Variants in UBR4 observed in about 807,000 individuals in gnomAD.
UBR4 encodes the protein E3 ubiquitin-protein ligase UBR4.
In UBR4, 124 loss-of-function variants were observed where a neutral mutation model predicts 575.6. The observed-to-expected ratio is 0.22, with a 90% CI of 0.19 to 0.25. The LOEUF (loss-of-function observed/expected upper bound fraction) is 0.25. UBR4 is among the 10% of genes least tolerant of loss of function. The pLI is 1.00. For synonymous variants in UBR4, 2,455 were observed against 2,473.7 expected (o/e 0.99, Z 0.22); for missense variants, 4,818 against 6,478.8 (o/e 0.74, Z 8.80).
chr1:19,187,095 T>TAC (rs1320085293), intron 13 of UBR4, 69 bp downstream of exon 13: 10 of 807,952 alleles, frequency 1.2e-5, no homozygotes, highest in African/African-American at 1.2e-4. Context: ...TATATATATA[T>TAC]ACATATATAT....
intron 17 of UBR4, among the ~76,000 whole-genome samples, 186 bp downstream of exon 17, chr1:19,183,625 G>A (rs765161401): frequency 5.3e-5 from 8 of 152,226 alleles, no homozygotes; most frequent in Non-Finnish European, 1.2e-4. Context: ...TGGAGGCTGA[G>A]GCAGGAGAAT....
At chr1:19,170,994 A>C in intron 25 of UBR4, 111 bp from the exon 26 acceptor site, 2 of 1,467,176 alleles carry the variant, frequency 1.4e-6, no homozygotes, top group Admixed American at 4.0e-5. Context: ...CTATCTATTT[A>C]ATGTAGTTGA....
intron 21 of UBR4, 31 bp from the exon 22 acceptor site, chr1:19,174,478 CT>C: frequency 6.2e-7 from 1 of 1,600,090 alleles, no homozygotes. Context: ...GAGTCATTTC[CT>C]TACTTTTAAA....
Position 19,179,165 on chromosome 1 carries a change from A to G in UBR4, c.2240T>C (p.Leu747Ser), listed in dbSNP as rs764551843. Reference protein sequence around the residue: ...VAPFSEGPWPLYIHPQSLSVL... With the variant: ...VAPFSEGPWPSYIHPQSLSVL... ...AGAGAGGCTTTGAGGGTGAATGTAC[A>G]AGGGCCAAGGGCCCTCAGAAAAAGG... is the stretch of plus-strand genomic sequence containing the variant. The change falls in exon 18 of 106, where the codon TTG (leucine) becomes TCG (serine). Residue 747 changes from leucine to serine, a missense_variant. Leu to Ser is a moderately radical substitution (Grantham distance 145, BLOSUM62 -2). Around this residue, in one of 29 missense-constraint regions of UBR4, gnomAD observed 1,172 missense variants for 1,259.7 expected, o/e 0.93. Transcript: ENST00000375254. 1.9e-5 allele frequency: 30 copies of G among 1,592,604 alleles called. No homozygotes were observed. The highest frequency in any genetic ancestry group is 2.5e-5 in the Non-Finnish European group (29 of 1,174,854).
At chr1:19,085,766 T>A (rs950577915) in intron 101 of UBR4, among the ~76,000 whole-genome samples, 4 of 152,150 alleles carry the variant, frequency 2.6e-5, no homozygotes, top group Non-Finnish European at 5.9e-5. Flanking sequence ...TAAGCCACTT[T>A]CGTATTTAAA....
chr1:19,198,951 C>A, intron 3 of UBR4, 23 bp from the exon 4 acceptor site: 1 of 1,606,002 alleles, frequency 6.2e-7, no homozygotes, highest in Non-Finnish European at 8.5e-7. Context: ...CAAATGCAAA[C>A]AAAAGAAAAC....
Position 19,198,618 on chromosome 1 carries a change from T to TCTGTACCTC in UBR4, c.562_570dup (p.Glu188_Gln190dup). On this transcript the variant is annotated inframe_insertion, in exon 5 of 106. Coordinates refer to ENST00000375254, the MANE Select transcript of UBR4 (RefSeq NM_020765.3). The stretch of plus-strand genomic sequence containing the variant: ...GAGGTCAGCTGGTTCAAAAAATTCA[T>TCTGTACCTC]CTGTACCTCCTTTTGCCTCAACTCA... 1 of 1,614,210 alleles carries TCTGTACCTC rather than the reference T, an allele frequency of 6.2e-7. No individual in the cohort carries two copies. The highest frequency in any genetic ancestry group is 2.2e-5 in the East Asian group (1 of 44,886).
chr1:19,192,416 G>A lies in UBR4; in HGVS notation c.1204-38C>T, dbSNP rs375614569. ...GCACAAAATAAAAAACATAATCATAGAGATATTTACATCTCAGAGAGGACA... is the reference window on the plus strand; with the variant it reads ...GCACAAAATAAAAAACATAATCATAAAGATATTTACATCTCAGAGAGGACA... On this transcript the variant is annotated intron_variant, in intron 10 of 105. Transcript: ENST00000375254. The A allele has an allele frequency of 8.1e-6, 13 of 1,614,080 alleles. No homozygotes were observed. In the Admixed American group the frequency reaches 1.0e-4, roughly 12 times the overall value.
intron 90 of UBR4, 102 bp from the exon 91 acceptor site, chr1:19,097,382 C>A: frequency 1.2e-6 from 1 of 868,560 alleles, no homozygotes. Flanking sequence ...TGTGGAGAGC[C>A]TCTATTTTTC....
At chr1:19,162,011 C>T in intron 35 of UBR4, 114 bp from the exon 36 acceptor site, 2 of 1,189,702 alleles carry the variant, frequency 1.7e-6, no homozygotes, top group Non-Finnish European at 2.4e-6. Context: ...TCGCAAATGA[C>T]CCGTGGAAAT....
intron 9 of UBR4, 45 bp from the exon 10 acceptor site, chr1:19,192,585 A>T: frequency 6.2e-7 from 1 of 1,606,568 alleles, no homozygotes; most frequent in Non-Finnish European, 8.5e-7. Flanking sequence ...AAGCTGACAG[A>T]TTTCATCATA....
At chr1:19,170,613 T>C (rs1021859132) in intron 26 of UBR4, 149 bp downstream of exon 26, 5 of 1,088,218 alleles carry the variant, frequency 4.6e-6, no homozygotes, top group East Asian at 5.0e-5. Context: ...ATTGTGAAGA[T>C]CAAAATAGAC....
chr1:19,131,805 A>G (rs1470364291), intron 60 of UBR4, among the ~76,000 whole-genome samples: 1 of 152,198 alleles, frequency 6.6e-6, no homozygotes, highest in African/African-American at 2.4e-5. Context: ...CCCGGGCGGC[A>G]GAGGTTGTAG....
chr1:19,137,923 A>G, intron 60 of UBR4, 84 bp downstream of exon 60: 1 of 1,307,732 alleles, frequency 7.6e-7, no homozygotes, highest in Non-Finnish European at 1.0e-6. Context: ...TCACTACTCT[A>G]CCTCCTGCAA....
chr1:19,159,925 G>A (rs1385560776), intron 39 of UBR4, among the ~76,000 whole-genome samples, 186 bp downstream of exon 39: 1 of 149,606 alleles, frequency 6.7e-6, no homozygotes, highest in East Asian at 2.1e-4. Flanking sequence ...GCCAAACCTC[G>A]TATGCTGATT....
chr1:19,160,808 TAA>T (rs1387000386), intron 38 of UBR4, 107 bp downstream of exon 38: 1 of 1,065,538 alleles, frequency 9.4e-7, no homozygotes, highest in Non-Finnish European at 1.4e-6. Flanking sequence ...TGAAAATGGG[TAA>T]AGGAGAAAAT....
rs781087726 is a variant in UBR4, at chr1:19,095,670, T to C, written c.13519-18A>G. 2.5e-6 allele frequency: 4 copies of C among 1,612,256 alleles called. No homozygotes were observed. In the South Asian group the frequency reaches 3.3e-5, roughly 13 times the overall value. ...AGTAGCACCTGACAAGAAAAGCCAG[T>C]CAAAACCCATGAGGCCACATGAGAG... On this transcript the variant is annotated intron_variant, in intron 92 of 105. Coordinates refer to ENST00000375254, the MANE Select transcript of UBR4 (RefSeq NM_020765.3).
intron 17 of UBR4, among the ~76,000 whole-genome samples, chr1:19,181,727 A>C (rs1347058043): frequency 6.6e-6 from 1 of 152,244 alleles, no homozygotes; most frequent in African/African-American, 2.4e-5. Flanking sequence ...AATTATTAAG[A>C]GAGCTAACAT....
At position 19,155,317 on chromosome 1, in the gene UBR4, G is replaced by GA. The variant is rs1369617088; in HGVS notation, c.6300+123dup. 7.0e-6 allele frequency: 8 copies of GA among 1,140,112 alleles called. No homozygotes were observed. The East Asian group carries it at 1.0e-4, about 14-fold the overall frequency. 70.6% of individuals were successfully genotyped at this position (1,140,112 alleles called of 1,614,324 possible). On this transcript the variant is annotated intron_variant, in intron 43 of 105. Coordinates refer to ENST00000375254, the MANE Select transcript of UBR4 (RefSeq NM_020765.3). ...AGTTAGATGGAAAAACAAAGAAAAA[G>GA]AAAAAAAGATCCAGTTAGATGAAGT...
Sources: gnomAD v4.1 joint callset for allele counts (sites outside exome capture counted in the v4.1 genomes callset) on GRCh38, gnomAD v4.1.1 for gene constraint, gnomAD v4.1.1 regional missense constraint, MANE v1.5 for transcripts, NCBI Gene and HGNC (gene_info 2026-07-23, HGNC 2026-07-21) for gene names.